The following SLC4A3 variants were observed in gnomAD, a reference collection of about 807,000 sequenced individuals.
SLC4A3 encodes solute carrier family 4 member 3.
A neutral mutation model predicts 114.2 loss-of-function variants in SLC4A3; 47 were observed. The ratio of observed to expected loss-of-function variants is 0.41; its 90% CI spans 0.33 to 0.52. SLC4A3 has a LOEUF of 0.52. Among genes scored for constraint, SLC4A3 ranks in the 20% least tolerant of loss-of-function variants. SLC4A3 has a pLI of 0.21. For missense variants in SLC4A3, 1,312 were observed against 1,668.3 expected (o/e 0.79, Z 3.72); for synonymous variants, 693 against 710.3 (o/e 0.98, Z 0.39).
At chr2:219,633,206 T>C in intron 9 of SLC4A3, 68 bp from the exon 10 acceptor site, 3 of 1,453,544 alleles carry the variant, frequency 2.1e-6, no homozygotes, top group Non-Finnish European at 2.8e-6. Context: ...GACCCTCCAC[T>C]ACTCACCTCA....
In SLC4A3 at chr2:219,639,230, C is replaced by A. The variant is rs1699233677; in HGVS notation, c.3024-252C>A. 6.6e-6 allele frequency among the ~76,000 whole-genome samples: 1 copy of A among 152,160 alleles called. No homozygotes were observed. The highest frequency in any genetic ancestry group is 1.5e-5 in the Non-Finnish European group (1 of 68,022). ...TCACATGTATCTAATTTTGGTTAAA[C>A]CACAATAACGTGGTAAGATCTGGCA... is the stretch of plus-strand genomic sequence containing the variant. On this transcript the variant is annotated intron_variant, in intron 19 of 22. Coordinates refer to ENST00000358055, the MANE Select transcript of SLC4A3 (RefSeq NM_005070.4). This position sits in a 1 kb window ranked among gnomAD's most constrained non-coding sequence, Gnocchi z 5.9.
At position 219,628,030 on chromosome 2, in the gene SLC4A3, C is replaced by T. The variant is rs575734594; in HGVS notation, c.38C>T (p.Ser13Phe). ...GTGATCCCGCCGCCCGGGGGCGCCT[C>T]CCCCCTACCCCAGGTGATCGGCGCG... ...NGVIPPPGGA[S>F]PLPQVRVPLE... The change falls in exon 2 of 23, where the codon TCC (serine) becomes TTC (phenylalanine). Residue 13 changes from serine to phenylalanine, a missense_variant. Physicochemically the swap from Ser to Phe is radical, Grantham distance 155. This residue lies in a region of SLC4A3 where 236 missense variants were observed against 212.1 expected (regional missense o/e 1.11). Coordinates refer to ENST00000358055, the MANE Select transcript of SLC4A3 (RefSeq NM_005070.4). This position sits in a 1 kb window ranked among gnomAD's most constrained non-coding sequence, Gnocchi z 4.8. 4 of 1,575,172 alleles carry T rather than the reference C, an allele frequency of 2.5e-6. No homozygotes were observed. Among genetic ancestry groups the T allele is most frequent in the Non-Finnish European group, 3.4e-6 (4 of 1,163,690 alleles).
rs1357994258 is a variant in SLC4A3, at chr2:219,639,640, C to T, written c.3182C>T (p.Thr1061Ile). ...VRSVTHVNALTVMRTAIAPGD... is the reference protein window; with the variant it reads ...VRSVTHVNALIVMRTAIAPGD... The stretch of plus-strand genomic sequence containing the variant: ...TCCGTCACCCATGTCAATGCGTTGA[C>T]AGTGATGCGTACTGCCATCGCGCCT... The change falls in exon 20 of 23, where the codon ACA (threonine) becomes ATA (isoleucine). Residue 1061 changes from threonine (T) to isoleucine (I), a missense_variant. Thr to Ile is a moderately conservative substitution (Grantham distance 89). Coordinates refer to ENST00000358055, the MANE Select transcript of SLC4A3 (RefSeq NM_005070.4). This position sits in a 1 kb window ranked among gnomAD's most constrained non-coding sequence, Gnocchi z 5.9. 1.2e-6 allele frequency: 2 copies of T among 1,613,636 alleles called. No homozygotes were observed. Among genetic ancestry groups the T allele is most frequent in the African/African-American group, 1.3e-5 (1 of 74,914 alleles).
Position 219,630,802 on chromosome 2 carries a change from G to A in SLC4A3, c.811+450G>A, listed in dbSNP as rs1294851755. Among the ~76,000 whole-genome samples the A allele has an allele frequency of 6.6e-6, 1 of 152,018 alleles. No homozygotes were observed. The highest frequency in any genetic ancestry group is 1.5e-5 in the Non-Finnish European group (1 of 68,006). On this transcript the variant is annotated intron_variant, in intron 6 of 22. Coordinates refer to ENST00000358055, the MANE Select transcript of SLC4A3 (RefSeq NM_005070.4). This position sits in a 1 kb window ranked among gnomAD's most constrained non-coding sequence, Gnocchi z 6.9. ...TTGGGGGGGGCCTGGCTGTGATCTC[G>A]GCACATTCCTTCCATCTTATCAGTG...
Position 219,641,658 on chromosome 2 carries a change from C to T in SLC4A3, c.3629C>T (p.Ser1210Leu), listed in dbSNP as rs371280841. The change falls in exon 23 of 23, where the codon TCG becomes TTG. Residue 1210 changes from serine to leucine, a missense_variant. This residue lies in a region of SLC4A3 where 301 missense variants were observed against 460.7 expected (regional missense o/e 0.65). Coordinates refer to ENST00000358055, the MANE Select transcript of SLC4A3 (RefSeq NM_005070.4). The surrounding 1 kb of genome is among the most constrained non-coding windows in gnomAD (Gnocchi z 4.0). ...CTTCTGTTCCCTCTGCAGCTGGACTCGGAAGATGCTGAACCAAACTTCGAT... is the reference window on the plus strand; with the variant it reads ...CTTCTGTTCCCTCTGCAGCTGGACTTGGAAGATGCTGAACCAAACTTCGAT... ...FQDRELQALD[S>L]EDAEPNFDED... 1.8e-5 allele frequency: 29 copies of T among 1,613,648 alleles called. No homozygotes were observed. The highest frequency in any genetic ancestry group is 7.7e-5 in the South Asian group (7 of 91,068).
rs1010163556 is a variant in SLC4A3, at chr2:219,637,161, G to A, written c.2535+287G>A. Among the ~76,000 whole-genome samples, 2 of 151,826 alleles carry A rather than the reference G, an allele frequency of 1.3e-5. No homozygotes were observed. The highest frequency in any genetic ancestry group is 1.3e-4 in the Admixed American group (2 of 15,244). ...GGGAGGGAGCTGTCAGTGCTAAGGG[G>A]CTGGGTGTCCTTGGGTCACCTTTTG... On this transcript the variant is annotated intron_variant, in intron 16 of 22. Transcript: ENST00000358055. This position sits in a 1 kb window ranked among gnomAD's most constrained non-coding sequence, Gnocchi z 4.6.
In SLC4A3 at chr2:219,636,084, T is replaced by A. The variant is rs1457708758; in HGVS notation, c.2191+193T>A. ...CGATCACCTTTGGGGAGCTATAAAG[T>A]GAGGGTGTGGGAGAGGTGTAAGGGA... On this transcript the variant is annotated intron_variant, in intron 14 of 22. Transcript: ENST00000358055. The surrounding 1 kb of genome is among the most constrained non-coding windows in gnomAD (Gnocchi z 5.5). Among the ~76,000 whole-genome samples, 1 of 151,766 alleles carries A rather than the reference T, an allele frequency of 6.6e-6. No homozygotes were observed. The highest frequency in any genetic ancestry group is 2.4e-5 in the African/African-American group (1 of 41,262).
At chr2:219,640,707 T>C (rs1257895803) in intron 21 of SLC4A3, 82 bp from the exon 22 acceptor site, 14 of 1,572,054 alleles carry the variant, frequency 8.9e-6, no homozygotes, top group Non-Finnish European at 1.2e-5. Context: ...AGCTGTGACC[T>C]GGGAGCCAAA....
At chr2:219,632,620 T>G (rs749742379) in intron 8 of SLC4A3, among the ~76,000 whole-genome samples, 178 bp downstream of exon 8, 3 of 152,248 alleles carry the variant, frequency 2.0e-5, no homozygotes, top group Non-Finnish European at 4.4e-5. Flanking sequence ...GGGCTGTATC[T>G]GGTGCATGCA....
chr2:219,632,603 A>G (rs1215471115), intron 8 of SLC4A3, among the ~76,000 whole-genome samples, 161 bp downstream of exon 8: 1 of 152,204 alleles, frequency 6.6e-6, no homozygotes, highest in Non-Finnish European at 1.5e-5. Flanking sequence ...GTGAGCCCCG[A>G]GGGGCAGGGC....
Position 219,628,050 on chromosome 2 carries a change from G to T in SLC4A3, c.51+7G>T, listed in dbSNP as rs1012340077. 4 of 1,558,124 alleles carry T rather than the reference G, an allele frequency of 2.6e-6. No individual in the cohort carries two copies. The highest frequency in any genetic ancestry group is 3.5e-6 in the Non-Finnish European group (4 of 1,154,816). On this transcript the variant is annotated splice_region_variant and intron_variant, in intron 2 of 22. Coordinates refer to ENST00000358055, the MANE Select transcript of SLC4A3 (RefSeq NM_005070.4). The surrounding 1 kb of genome is among the most constrained non-coding windows in gnomAD (Gnocchi z 4.8). ...CGCCTCCCCCCTACCCCAGGTGATC[G>T]GCGCGCGCGGGGGCGGGGGAGAGAT...
rs1447991964 is a variant in SLC4A3, at chr2:219,637,371, T to G, written c.2536-210T>G. On this transcript the variant is annotated intron_variant, in intron 16 of 22. Coordinates refer to ENST00000358055, the MANE Select transcript of SLC4A3 (RefSeq NM_005070.4). This position sits in a 1 kb window ranked among gnomAD's most constrained non-coding sequence, Gnocchi z 4.6. ...TGTGTTTTTTTTGTGTTGTATGTGT[T>G]ATGTGTGTGTTGTTACGTGTTGTGT... 6.6e-6 allele frequency among the ~76,000 whole-genome samples: 1 copy of G among 151,710 alleles called. No homozygotes were observed. The highest frequency in any genetic ancestry group is 2.4e-5 in the African/African-American group (1 of 41,314).
chr2:219,629,290 G>A lies in SLC4A3; in HGVS notation c.364G>A (p.Gly122Arg). 1 of 1,613,960 alleles carries A rather than the reference G, an allele frequency of 6.2e-7. No homozygotes were observed. The highest frequency in any genetic ancestry group is 8.5e-7 in the Non-Finnish European group (1 of 1,179,918). The change falls in exon 4 of 23, where the codon GGG (glycine) becomes AGG (arginine). Residue 122 changes from glycine to arginine, a missense_variant. Transcript: ENST00000358055. ...KEKTSAPPSE[G>R]TPPIQEEGGA... ...GAAAACCTCTGCTCCTCCCTCCGAG[G>A]GGACCCCTCCCATCCAGGAGGAGGG...
Position 219,638,818 on chromosome 2 carries a change from T to C in SLC4A3, c.2972T>C (p.Val991Ala). The C allele has an allele frequency of 6.2e-7, 1 of 1,614,170 alleles. No homozygotes were observed. Among genetic ancestry groups the C allele is most frequent in the Non-Finnish European group, 8.5e-7 (1 of 1,180,034 alleles). Reference sequence around the variant, plus strand: ...CCGTGGATGATGGTGGCAGCCGCTGTTCCCGCCCTCCTCGTCCTCATCCTG... The same window carrying C: ...CCGTGGATGATGGTGGCAGCCGCTGCTCCCGCCCTCCTCGTCCTCATCCTG... ...FPPWMMVAAA[V>A]PALLVLILIF... is the part of the protein sequence containing the mutation. The change falls in exon 19 of 23, where the codon GTT becomes GCT. Residue 991 changes from valine to alanine, a missense_variant. Val to Ala is a moderately conservative substitution (Grantham distance 64, BLOSUM62 0). Coordinates refer to ENST00000358055, the MANE Select transcript of SLC4A3 (RefSeq NM_005070.4). The surrounding 1 kb of genome is among the most constrained non-coding windows in gnomAD (Gnocchi z 7.5).
At position 219,637,574 on chromosome 2, in the gene SLC4A3, C is replaced by A; in HGVS notation, c.2536-7C>A. On this transcript the variant is annotated splice_polypyrimidine_tract_variant and splice_region_variant and intron_variant, in intron 16 of 22. Coordinates refer to ENST00000358055, the MANE Select transcript of SLC4A3 (RefSeq NM_005070.4). The surrounding 1 kb of genome is among the most constrained non-coding windows in gnomAD (Gnocchi z 4.6). ...AGTGACAAGGCATCCTTGTTATCCACACACAGGTGTTCACAGAGCACCCAC... is the reference window on the plus strand; with the variant it reads ...AGTGACAAGGCATCCTTGTTATCCAAACACAGGTGTTCACAGAGCACCCAC... 2.6e-6 allele frequency: 4 copies of A among 1,510,496 alleles called. No individual in the cohort carries two copies. The highest frequency in any genetic ancestry group is 3.6e-6 in the Non-Finnish European group (4 of 1,100,454). The allele number at this position is 1,510,496 out of a possible 1,614,324, so 93.6% of individuals were successfully genotyped here. A position where few individuals can be genotyped will look rare whatever the true frequency, so the allele number is the denominator to read the frequency against.
Position 219,627,723 on chromosome 2 carries a change from C to T in SLC4A3, c.-116C>T, listed in dbSNP as rs1698763371. ...ATGGGGCGCGGCGGCCCGCCTGGGC[C>T]TCGCAGGCTCCGGAGCCCCGAGGTA... On this transcript the variant is annotated 5_prime_UTR_variant, in exon 1 of 23. Transcript: ENST00000358055. The T allele has an allele frequency of 3.8e-6, 1 of 264,306 alleles. No homozygotes were observed. Among genetic ancestry groups the T allele is most frequent in the Non-Finnish European group, 7.1e-6 (1 of 140,788 alleles). The allele number at this position is 264,306 out of a possible 1,614,324, so 16.4% of individuals were successfully genotyped here.
At position 219,636,624 on chromosome 2, in the gene SLC4A3, C is replaced by T; in HGVS notation, c.2341-56C>T. The T allele has an allele frequency of 6.6e-7, 1 of 1,523,222 alleles. No homozygotes were observed. The highest frequency in any genetic ancestry group is 8.9e-7 in the Non-Finnish European group (1 of 1,117,650). The allele number at this position is 1,523,222 out of a possible 1,614,324, so 94.4% of individuals were successfully genotyped here. A position where few individuals can be genotyped will look rare whatever the true frequency, so the allele number is the denominator to read the frequency against. On this transcript the variant is annotated intron_variant, in intron 15 of 22. Coordinates refer to ENST00000358055, the MANE Select transcript of SLC4A3 (RefSeq NM_005070.4). This position sits in a 1 kb window ranked among gnomAD's most constrained non-coding sequence, Gnocchi z 5.5. The stretch of plus-strand genomic sequence containing the variant: ...TTCATCCGCTGCCTATTCCAGGGGG[C>T]ATTGACACCCAGGGCAGTCCACCTG...
At chr2:219,640,760 GCA>G (rs1412600347) in intron 21 of SLC4A3, 27 bp from the exon 22 acceptor site, 1 of 1,605,510 alleles carries the variant, frequency 6.2e-7, no homozygotes, top group South Asian at 1.1e-5. Context: ...GGGACGCTGT[GCA>G]CTGGGGCCCA....
intron 8 of SLC4A3, 89 bp downstream of exon 8, chr2:219,632,531 T>C (rs1287152638): frequency 1.2e-5 from 17 of 1,403,820 alleles, no homozygotes; most frequent in Non-Finnish European, 1.6e-5. Flanking sequence ...TCTAGAGTCC[T>C]GGGCACAGGC....
Sources: allele counts gnomAD v4.1 joint callset (sites outside exome capture counted in the v4.1 genomes callset), GRCh38; gene constraint gnomAD v4.1.1; regional missense constraint gnomAD v4.1.1; non-coding constraint Gnocchi (gnomAD v3.1); transcripts MANE v1.5; gene names NCBI Gene and HGNC (gene_info 2026-07-23, HGNC 2026-07-21).